ASIC2: variants seen among roughly 807,000 people sequenced by gnomAD.
ASIC2 encodes the protein acid sensing ion channel subunit 2, also known as acid-sensing ion channel 2.
A neutral mutation model predicts 57.3 loss-of-function variants in ASIC2; 25 were observed. The ratio of observed to expected loss-of-function variants is 0.44; its 90% CI spans 0.32 to 0.61. The LOEUF (loss-of-function observed/expected upper bound fraction) is 0.61. ASIC2 is among the 20% of genes least tolerant of loss of function. ASIC2 has a pLI of 0.06. For synonymous variants in ASIC2, 319 were observed against 307.5 expected, an observed-to-expected ratio of 1.04 and a Z score of -0.39; for missense variants, 641 against 738.1, an observed-to-expected ratio of 0.87 and a Z score of 1.52.
intron 1 of ASIC2, among the ~76,000 whole-genome samples, chr17:33,147,572 G>A (rs1462024684): frequency 6.6e-6 from 1 of 151,934 alleles, no homozygotes; most frequent in Admixed American, 6.5e-5. Context: ...CATTTAATTG[G>A]ACACAGCAGG....
In ASIC2 at chr17:33,610,054, G is replaced by GCGCACACACACA. The variant is rs375575593; in HGVS notation, c.556-497988_556-497987insTGTGTGTGTGCG. ...CTTCACTGGGACCCTGGACAGAGGCGCACACACACACACACACACACACAC... is the reference window on the plus strand; with the variant it reads ...CTTCACTGGGACCCTGGACAGAGGCGCGCACACACACACACACACACACACACACACACACAC... On this transcript the variant is annotated intron_variant, in intron 1 of 9. Coordinates refer to the ASIC2 transcript ENST00000359872. 9.9e-3 allele frequency among the ~76,000 whole-genome samples: 1,430 copies of GCGCACACACACA among 144,832 alleles called. 24 individuals carry two copies. The highest frequency in any genetic ancestry group is 0.034 in the African/African-American group (1,310 of 38,424).
chr17:33,950,433 A>G (rs893842016), intron 1 of ASIC2, among the ~76,000 whole-genome samples: 2 of 152,132 alleles, frequency 1.3e-5, no homozygotes, highest in African/African-American at 4.8e-5. Context: ...GACAAAGTCT[A>G]TTCTGCTGCC....
At chr17:33,135,141 C>T (rs990941723) in intron 1 of ASIC2, among the ~76,000 whole-genome samples, 25 of 152,028 alleles carry the variant, frequency 1.6e-4, no homozygotes, top group African/African-American at 5.3e-4. Flanking sequence ...AAGTTCATTC[C>T]GCTTAGCCCT....
rs117753963 is a variant in ASIC2, at chr17:34,134,626, C to T, written c.555+21352G>A. ...CTTTGCCCTGAGTCCAGTGATGAGA[C>T]ATGGAGAAGTTCTAGGTCAACAAGT... On this transcript the variant is annotated intron_variant, in intron 1 of 9. Transcript: ENST00000359872. 9.3e-3 allele frequency among the ~76,000 whole-genome samples: 1,420 copies of T among 152,314 alleles called. 17 individuals carry two copies. The highest frequency in any genetic ancestry group is 0.057 in the East Asian group (297 of 5,176).
chr17:33,425,568 A>G (rs965041199), intron 1 of ASIC2, among the ~76,000 whole-genome samples: 1 of 152,206 alleles, frequency 6.6e-6, no homozygotes, highest in African/African-American at 2.4e-5. Context: ...TTGCAGCTAC[A>G]GGAATGGGCA....
intron 1 of ASIC2, among the ~76,000 whole-genome samples, chr17:33,680,172 G>A (rs541695297): frequency 1.3e-5 from 2 of 152,162 alleles, no homozygotes; most frequent in East Asian, 3.9e-4. Context: ...CCTATTCTTG[G>A]GCCTTCTCCC....
chr17:33,235,467 A>G (rs958007369), intron 1 of ASIC2, among the ~76,000 whole-genome samples: 49 of 152,182 alleles, frequency 3.2e-4, no homozygotes, highest in Admixed American at 2.5e-3. Context: ...ATTCCACCTC[A>G]AATCATTTTT....
At chr17:34,011,689 A>C (rs749877169) in intron 1 of ASIC2, among the ~76,000 whole-genome samples, 14 of 152,186 alleles carry the variant, frequency 9.2e-5, no homozygotes, top group Non-Finnish European at 2.1e-4. Context: ...AAACCTCTCC[A>C]GCAAAGTCAC....
At chr17:33,422,815 C>T (rs1911092107) in intron 1 of ASIC2, among the ~76,000 whole-genome samples, 1 of 152,200 alleles carries the variant, frequency 6.6e-6, no homozygotes, top group Non-Finnish European at 1.5e-5. Context: ...CAGTCTGCTG[C>T]TAAGGGCTGC....
chr17:34,023,741 C>T (rs781123150), intron 1 of ASIC2, among the ~76,000 whole-genome samples: 17 of 152,132 alleles, frequency 1.1e-4, no homozygotes, highest in Non-Finnish European at 2.2e-4. Context: ...GACTTTGGAC[C>T]TCCCAGCCTC....
At chr17:33,670,067 G>A (rs1016807679) in intron 1 of ASIC2, among the ~76,000 whole-genome samples, 4 of 152,170 alleles carry the variant, frequency 2.6e-5, no homozygotes, top group Admixed American at 2.6e-4. Flanking sequence ...AGGGAGGCTG[G>A]ACTTTGGGAA....
intron 2 of ASIC2, among the ~76,000 whole-genome samples, chr17:33,090,095 G>A (rs181958221): frequency 6.2e-4 from 94 of 152,160 alleles, no homozygotes; most frequent in African/African-American, 2.0e-3. Context: ...CCTCTGCCTC[G>A]AGGCACCATG....
chr17:33,846,611 C>G (rs935735203), intron 1 of ASIC2, among the ~76,000 whole-genome samples: 2 of 152,118 alleles, frequency 1.3e-5, no homozygotes, highest in Non-Finnish European at 2.9e-5. Context: ...AATCTGACTC[C>G]TTTCAAAACT....
intron 5 of ASIC2, 109 bp from the exon 6 acceptor site, chr17:33,024,123 G>C (rs1160044066): frequency 2.1e-6 from 3 of 1,436,284 alleles, no homozygotes; most frequent in Non-Finnish European, 2.9e-6. Context: ...AAGGGGCACT[G>C]GTCTGGGGAA....
At chr17:33,388,090 AGC>A (rs1491263006) in intron 1 of ASIC2, among the ~76,000 whole-genome samples, 20 of 93,696 alleles carry the variant, frequency 2.1e-4, no homozygotes, top group Non-Finnish European at 4.0e-4. Context: ...AAAAAAACAA[AGC>A]AAAGCAAAAC....
intron 1 of ASIC2, among the ~76,000 whole-genome samples, chr17:33,246,587 G>A (rs1033791799): frequency 6.6e-6 from 1 of 152,218 alleles, no homozygotes; most frequent in African/African-American, 2.4e-5. Flanking sequence ...GCGCGGCGGG[G>A]TTCACCCCTG....
chr17:33,626,899 C>T (rs1042502873), intron 1 of ASIC2: 3 of 152,268 alleles, frequency 2.0e-5, no homozygotes, highest in Admixed American at 6.5e-5. Context: ...CTTCTTTGCT[C>T]AAAATCCTTT....
chr17:33,747,775 C>T (rs962183940), intron 1 of ASIC2, among the ~76,000 whole-genome samples: 5 of 152,196 alleles, frequency 3.3e-5, no homozygotes, highest in African/African-American at 1.2e-4. Context: ...CTGGACTAAA[C>T]CTCCCTCCCC....
At chr17:34,126,693 C>T (rs750337085) in intron 1 of ASIC2, among the ~76,000 whole-genome samples, 3 of 152,164 alleles carry the variant, frequency 2.0e-5, no homozygotes, top group Non-Finnish European at 2.9e-5. Flanking sequence ...TGACTCTGAA[C>T]GAAGAGGCAA....
Sources: gnomAD v4.1 joint callset for allele counts (sites outside exome capture counted in the v4.1 genomes callset) on GRCh38, gnomAD v4.1.1 for gene constraint, MANE v1.5 for transcripts, NCBI Gene and HGNC (gene_info 2026-07-23, HGNC 2026-07-21) for gene names.